Variants in TES observed in about 807,000 individuals in gnomAD.
The protein encoded by TES is testin LIM domain protein.
TES carries 41 observed loss-of-function variants against 48.2 expected under a neutral mutation model. The observed-to-expected ratio is 0.85, with a 90% CI of 0.66 to 1.10. The LOEUF (loss-of-function observed/expected upper bound fraction) is 1.10. Among genes scored for constraint, TES ranks in the 50% least tolerant of loss-of-function variants. The pLI is 0.00. For synonymous variants in TES, 162 were observed against 174.9 expected (o/e 0.93, Z 0.58); for missense variants, 463 against 515.1 (o/e 0.90, Z 0.98).
At chr7:116,251,643 A>G in intron 4 of TES, 117 bp from the exon 5 acceptor site, 7 of 923,598 alleles carry the variant, frequency 7.6e-6, no homozygotes, top group Non-Finnish European at 1.0e-5. Flanking sequence ...AGATAGCACC[A>G]CTGGACTCCA....
chr7:116,216,970 G>C lies in TES; in HGVS notation c.27+6236G>C, dbSNP rs538003180. On this transcript the variant is annotated intron_variant, in intron 1 of 6. Coordinates refer to ENST00000358204, the MANE Select transcript of TES (RefSeq NM_015641.4). Reference sequence around the variant, plus strand: ...AAAAGATTAAAAAAAAACTATATGAGTGCTTTTTTACGTACCATGCACTGT... The same window carrying C: ...AAAAGATTAAAAAAAAACTATATGACTGCTTTTTTACGTACCATGCACTGT... 1.3e-4 allele frequency among the ~76,000 whole-genome samples: 20 copies of C among 152,130 alleles called. No individual in the cohort carries two copies. The South Asian group carries it at 4.1e-3, about 32-fold the overall frequency.
intron 2 of TES, among the ~76,000 whole-genome samples, chr7:116,241,544 A>G (rs966919637): frequency 6.6e-6 from 1 of 152,190 alleles, no homozygotes; most frequent in Non-Finnish European, 1.5e-5. Context: ...CATTCTTACC[A>G]AGGACTCTGT....
intron 6 of TES, 149 bp from the exon 7 acceptor site, chr7:116,257,145 G>A (rs1800111587): frequency 2.6e-6 from 2 of 782,958 alleles, no homozygotes. Flanking sequence ...TGGCCAAAAA[G>A]GTTAGCTAGA....
intron 1 of TES, chr7:116,217,702 A>T: frequency 2.4e-6 from 1 of 410,374 alleles, no homozygotes; most frequent in Non-Finnish European, 4.8e-6. Flanking sequence ...GTAATTGATA[A>T]CTTCACTACT....
rs142549105 is a variant in TES at position 116,252,471 on chromosome 7, G to A, written c.1072G>A (p.Ala358Thr). The A allele has an allele frequency of 9.4e-5, 152 of 1,614,164 alleles. No individual in the cohort carries two copies. The African/African-American group carries it at 9.7e-4, about 10-fold the overall frequency. ...CAAGCCCTGCTATGTGAAGAATCAC[G>A]CTGTGGTGAGAAGTGTTCTAAGGAT... ...VCKPCYVKNHAVVCQGCHNAI... is the reference protein window; with the variant it reads ...VCKPCYVKNHTVVCQGCHNAI... The change falls in exon 6 of 7, where the codon GCT becomes ACT. Residue 358 changes from alanine to threonine, a missense_variant. By Grantham distance (58) the Ala-to-Thr change is moderately conservative. Coordinates refer to ENST00000358204, the MANE Select transcript of TES (RefSeq NM_015641.4).
At chr7:116,230,627 T>A (rs1799685856) in intron 1 of TES, among the ~76,000 whole-genome samples, 1 of 152,222 alleles carries the variant, frequency 6.6e-6, no homozygotes, top group Non-Finnish European at 1.5e-5. Flanking sequence ...TCTCTGAGGA[T>A]GTCATCCTCT....
chr7:116,238,977 G>C (rs1485320575), intron 2 of TES: 2 of 152,176 alleles, frequency 1.3e-5, no homozygotes, highest in African/African-American at 4.8e-5. Context: ...ACCTCAAAAA[G>C]CTGAAATGAA....
At position 116,234,620 on chromosome 7, in the gene TES, G is replaced by T. The variant is rs778406979; in HGVS notation, c.113+1G>T. The T allele has an allele frequency of 6.2e-7, 1 of 1,613,004 alleles. No individual in the cohort carries two copies. The highest frequency in any genetic ancestry group is 1.1e-5 in the South Asian group (1 of 91,022). ...AAGGATTCGAACTGCACTTCTGGAG[G>T]TATTGTTTTGAAAACTGCAACCACA... On this transcript the variant is annotated splice_donor_variant, in intron 2 of 6. Coordinates refer to ENST00000358204, the MANE Select transcript of TES (RefSeq NM_015641.4). LOFTEE classifies it high-confidence loss of function.
intron 6 of TES, among the ~76,000 whole-genome samples, chr7:116,253,395 A>G (rs1298190411): frequency 6.6e-6 from 1 of 152,176 alleles, no homozygotes; most frequent in East Asian, 1.9e-4. Context: ...TCACATTCTT[A>G]TAATTACAAC....
intron 2 of TES, among the ~76,000 whole-genome samples, chr7:116,245,632 G>C (rs1799912869): frequency 6.6e-6 from 1 of 152,104 alleles, no homozygotes. Flanking sequence ...CTAACCTCTA[G>C]CTATTACCCA....
At chr7:116,240,238 T>C (rs913624864) in intron 2 of TES, among the ~76,000 whole-genome samples, 4 of 152,182 alleles carry the variant, frequency 2.6e-5, no homozygotes, top group Non-Finnish European at 5.9e-5. Context: ...TTTAAATCAC[T>C]GTGAATGCTG....
At chr7:116,241,419 C>G (rs1414453515) in intron 2 of TES, among the ~76,000 whole-genome samples, 4 of 152,154 alleles carry the variant, frequency 2.6e-5, no homozygotes, top group African/African-American at 9.7e-5. Context: ...GTAGCTGGCT[C>G]TTCTCCTTGT....
rs757738717 is a variant in TES, at chr7:116,252,344, G to A, written c.945G>A (p.Gln315=). ...DELIFSNEYT[Q]AENQNWHLKH... The stretch of plus-strand genomic sequence containing the variant: ...TGATATTCAGCAATGAGTATACCCA[G>A]GCAGAAAACCAGAATTGGCACCTGA... Residue 315 remains glutamine (Q), a synonymous_variant, in exon 6 of 7, where the codon CAG becomes CAA. Transcript: ENST00000358204. 9.3e-6 allele frequency: 15 copies of A among 1,613,410 alleles called. No homozygotes were observed. The East Asian group carries it at 3.1e-4, about 34-fold the overall frequency.
At chr7:116,219,211 C>T (rs1230845458) in intron 1 of TES, among the ~76,000 whole-genome samples, 1 of 152,098 alleles carries the variant, frequency 6.6e-6, no homozygotes, top group Non-Finnish European at 1.5e-5. Flanking sequence ...ACCAAAGGTA[C>T]CTGGCTGTGA....
chr7:116,238,701 A>G (rs1799806447), intron 2 of TES, among the ~76,000 whole-genome samples: 1 of 151,900 alleles, frequency 6.6e-6, no homozygotes, highest in Non-Finnish European at 1.5e-5. Flanking sequence ...TCCTAGGTTC[A>G]AGTGATTCTC....
At chr7:116,222,192 AG>A (rs1799565115) in intron 1 of TES, among the ~76,000 whole-genome samples, 1 of 152,178 alleles carries the variant, frequency 6.6e-6, no homozygotes, top group African/African-American at 2.4e-5. Flanking sequence ...CTGGTTTCCA[AG>A]ACCCCTCTCC....
intron 1 of TES, among the ~76,000 whole-genome samples, chr7:116,211,927 G>A (rs4428611): frequency 0.87 from 132,924 of 152,176 alleles, 58,503 homozygotes; most frequent in East Asian, 0.99. Context: ...AAAATTCTCA[G>A]GCACTCAAAA....
At chr7:116,243,597 AG>A (rs1433219870) in intron 2 of TES, among the ~76,000 whole-genome samples, 1 of 152,230 alleles carries the variant, frequency 6.6e-6, no homozygotes, top group African/African-American at 2.4e-5. Context: ...CTTGTCTCAC[AG>A]GCATATCAAA....
chr7:116,213,566 G>C (rs1014472488), intron 1 of TES, among the ~76,000 whole-genome samples: 1 of 152,156 alleles, frequency 6.6e-6, no homozygotes, highest in Non-Finnish European at 1.5e-5. Flanking sequence ...AGGAAAGCTC[G>C]TCCACATCAG....
Sources: gnomAD v4.1 joint callset for allele counts (sites outside exome capture counted in the v4.1 genomes callset) on GRCh38, gnomAD v4.1.1 for gene constraint, MANE v1.5 for transcripts, NCBI Gene and HGNC (gene_info 2026-07-23, HGNC 2026-07-21) for gene names.